MYO9A: variants seen among roughly 807,000 people sequenced by gnomAD.
MYO9A encodes the protein unconventional myosin-IXa.
In MYO9A, 103 loss-of-function variants were observed where a neutral mutation model predicts 293.3. The ratio of observed to expected loss-of-function variants is 0.35; its 90% CI spans 0.30 to 0.41. The LOEUF is 0.41. MYO9A is among the 10% of genes least tolerant of loss of function. The pLI is 1.00. For synonymous variants in MYO9A, 1,001 were observed against 1,035.7 expected, an observed-to-expected ratio of 0.97 and a Z score of 0.64; for missense variants, 2,685 against 3,033.0, an observed-to-expected ratio of 0.89 and a Z score of 2.69.
At chr15:71,850,757 C>T (rs1393202700) in intron 37 of MYO9A, among the ~76,000 whole-genome samples, 3 of 79,290 alleles carry the variant, frequency 3.8e-5, no homozygotes, top group African/African-American at 5.7e-5. Flanking sequence ...CAGACTGAAA[C>T]TGTGTCTCAA....
At chr15:71,893,846 C>G in intron 25 of MYO9A, 68 bp from the exon 26 acceptor site, 4 of 1,234,608 alleles carry the variant, frequency 3.2e-6, no homozygotes, top group Non-Finnish European at 4.7e-6. Context: ...AGGTTAAAGA[C>G]TTCCAGCAAA....
At chr15:71,943,919 C>T (rs1173296788) in intron 15 of MYO9A, among the ~76,000 whole-genome samples, 1 of 152,070 alleles carries the variant, frequency 6.6e-6, no homozygotes, top group Non-Finnish European at 1.5e-5. Flanking sequence ...GGGAAAAATA[C>T]GCTTATCTTT....
chr15:72,083,211 T>A (rs992518184), intron 1 of MYO9A, among the ~76,000 whole-genome samples: 1 of 152,206 alleles, frequency 6.6e-6, no homozygotes, highest in Admixed American at 6.5e-5. Flanking sequence ...ATTACTGACC[T>A]GTTCAGAGAT....
chr15:71,963,381 G>A (rs1036213956), intron 13 of MYO9A, among the ~76,000 whole-genome samples: 1 of 150,816 alleles, frequency 6.6e-6, no homozygotes, highest in Non-Finnish European at 1.5e-5. Context: ...CACCACACCT[G>A]GCTGTGCACT....
chr15:72,042,677 A>G (rs2078261520), intron 2 of MYO9A, among the ~76,000 whole-genome samples: 1 of 152,072 alleles, frequency 6.6e-6, no homozygotes, highest in Non-Finnish European at 1.5e-5. Flanking sequence ...AGAAAAAAAA[A>G]AAAAGACATC....
chr15:71,921,226 G>A (rs369868860), intron 18 of MYO9A, among the ~76,000 whole-genome samples: 15 of 152,332 alleles, frequency 9.8e-5, no homozygotes, highest in African/African-American at 3.6e-4. Flanking sequence ...TCTTGTGGAA[G>A]GACGAACTTG....
At chr15:71,865,491 C>A (rs2056291743) in intron 32 of MYO9A, among the ~76,000 whole-genome samples, 1 of 152,122 alleles carries the variant, frequency 6.6e-6, no homozygotes, top group Non-Finnish European at 1.5e-5. Flanking sequence ...GATGTACTGA[C>A]ACATGCTACA....
chr15:71,938,737 T>TA lies in MYO9A; in HGVS notation c.2378+114dup, dbSNP rs887467124. 56 of 867,172 alleles carry TA rather than the reference T, an allele frequency of 6.5e-5. 2 individuals carry two copies. The highest frequency in any genetic ancestry group is 1.7e-5 in the African/African-American group (1 of 57,248). 53.7% of individuals were successfully genotyped at this position (867,172 alleles called of 1,614,324 possible). A position where few individuals can be genotyped will look rare whatever the true frequency, so the allele number is the denominator to read the frequency against. ...CATCACTTATAAAGGATTCAAGAAA[T>TA]AAAAAAACAAAACAAGCCTGAATTA... On this transcript the variant is annotated intron_variant, in intron 16 of 41. Coordinates refer to ENST00000356056, the MANE Select transcript of MYO9A (RefSeq NM_006901.4).
At chr15:71,888,307 G>T (rs953614556) in intron 26 of MYO9A, 191 bp from the exon 27 acceptor site, 8 of 346,082 alleles carry the variant, frequency 2.3e-5, no homozygotes, top group Middle Eastern at 7.6e-4. Flanking sequence ...AAGATGACTT[G>T]GTCAATGAAA....
At chr15:71,828,472 G>A (rs111552261) in intron 40 of MYO9A, among the ~76,000 whole-genome samples, 2,426 of 152,106 alleles carry the variant, frequency 0.016, 73 homozygotes, top group African/African-American at 0.056. Context: ...TATTTTCCAT[G>A]AAGCTTACTA....
At chr15:72,090,461 T>C (rs1488217261) in intron 1 of MYO9A, among the ~76,000 whole-genome samples, 1 of 152,198 alleles carries the variant, frequency 6.6e-6, no homozygotes, top group Non-Finnish European at 1.5e-5. Context: ...AAGTGCTTCA[T>C]CCTATCAGCC....
At chr15:71,855,013 A>C (rs1360087619) in intron 34 of MYO9A, among the ~76,000 whole-genome samples, 1 of 152,256 alleles carries the variant, frequency 6.6e-6, no homozygotes, top group African/African-American at 2.4e-5. Flanking sequence ...CGGAAGTTTA[A>C]CTGAAAAATG....
chr15:71,975,390 C>CGTGTGTGTGTGTGTGTGTGTGTGT lies in MYO9A; in HGVS notation c.1844+2757_1844+2780dup, dbSNP rs57800508. 1.1e-3 allele frequency among the ~76,000 whole-genome samples: 92 copies of CGTGTGTGTGTGTGTGTGTGTGTGT among 86,684 alleles called. 8 individuals carry two copies. Among genetic ancestry groups the CGTGTGTGTGTGTGTGTGTGTGTGT allele is most frequent in the African/African-American group, 3.3e-3 (62 of 19,066 alleles). The allele number at this position is 86,684 out of a possible 152,430, so 56.9% of individuals were successfully genotyped here. On this transcript the variant is annotated intron_variant, in intron 12 of 41. Transcript: ENST00000356056. ...CCTTTGGCCTATGACGTGATTTTAT[C>CGTGTGTGTGTGTGTGTGTGTGTGT]GTGTGTGTGTGTGTGTGTGTGTGTG...
chr15:72,084,654 T>C (rs2079658009), intron 1 of MYO9A, among the ~76,000 whole-genome samples: 1 of 152,224 alleles, frequency 6.6e-6, no homozygotes, highest in Non-Finnish European at 1.5e-5. Context: ...GTAAGACACG[T>C]CTGACGGTAT....
intron 19 of MYO9A, among the ~76,000 whole-genome samples, chr15:71,914,760 T>A (rs1281364133): frequency 6.6e-6 from 1 of 152,188 alleles, no homozygotes; most frequent in East Asian, 1.9e-4. Flanking sequence ...ACTCTTTTTC[T>A]AAAAATTAAA....
chr15:72,027,920 G>T, intron 3 of MYO9A, 127 bp from the exon 4 acceptor site: 1 of 662,850 alleles, frequency 1.5e-6, no homozygotes, highest in African/African-American at 1.9e-5. Context: ...GCCATTGGCC[G>T]GGCGAGGTGG....
At chr15:71,917,805 A>C (rs2058051994) in intron 18 of MYO9A, among the ~76,000 whole-genome samples, 1 of 152,322 alleles carries the variant, frequency 6.6e-6, no homozygotes, top group East Asian at 1.9e-4. Context: ...ATGTATGAGA[A>C]ACAAAAGATT....
chr15:71,967,074 G>A (rs1293827755), intron 13 of MYO9A, among the ~76,000 whole-genome samples: 1 of 151,968 alleles, frequency 6.6e-6, no homozygotes, highest in African/African-American at 2.4e-5. Flanking sequence ...TTTATTTCAG[G>A]TCATCTCTCA....
intron 11 of MYO9A, among the ~76,000 whole-genome samples, chr15:71,978,782 T>C (rs2076203798): frequency 6.6e-6 from 1 of 151,480 alleles, no homozygotes; most frequent in Non-Finnish European, 1.5e-5. Flanking sequence ...TAGGACTTTT[T>C]TTTTTTTTAA....
Sources: gnomAD v4.1 joint callset for allele counts (sites outside exome capture counted in the v4.1 genomes callset) on GRCh38, gnomAD v4.1.1 for gene constraint, MANE v1.5 for transcripts, NCBI Gene and HGNC (gene_info 2026-07-23, HGNC 2026-07-21) for gene names.